NAV3: variants seen among roughly 807,000 people sequenced by gnomAD.
NAV3 encodes neuron navigator 3.
In NAV3, 87 loss-of-function variants were observed where a neutral mutation model predicts 244.7. The observed-to-expected ratio is 0.36, with a 90% CI of 0.30 to 0.42. The LOEUF (loss-of-function observed/expected upper bound fraction) is 0.42, where lower values mean the gene tolerates loss of function less well. Ranked by LOEUF, NAV3 falls within the 20% of genes least tolerant of loss-of-function variation. The probability of loss-of-function intolerance (pLI) is 1.00; values close to 1 mark genes in which losing one functional copy is unlikely to be tolerated. For synonymous variants in NAV3, 1,126 were observed against 1,042.2 expected, an observed-to-expected ratio of 1.08 and a Z score of -1.55; for missense variants, 2,663 against 2,893.3, an observed-to-expected ratio of 0.92 and a Z score of 1.83.
intron 2 of NAV3, among the ~76,000 whole-genome samples, chr12:77,658,314 A>G (rs1404431188): frequency 2.6e-5 from 4 of 151,344 alleles, no homozygotes; most frequent in African/African-American, 7.3e-5. Flanking sequence ...TACACCAATA[A>G]CAGACAAACA....
intron 2 of NAV3, among the ~76,000 whole-genome samples, chr12:77,589,175 G>C (rs994968980): frequency 6.6e-6 from 1 of 152,100 alleles, no homozygotes; most frequent in African/African-American, 2.4e-5. Context: ...GAAATAATAG[G>C]AAAAACACTT....
chr12:78,181,591 A>T (rs1328319646), intron 30 of NAV3, among the ~76,000 whole-genome samples: 1 of 152,106 alleles, frequency 6.6e-6, no homozygotes, highest in African/African-American at 2.4e-5. Context: ...ATCATATGAC[A>T]TAATGTCATC....
At chr12:77,709,852 C>T (rs1876020857) in intron 2 of NAV3, among the ~76,000 whole-genome samples, 1 of 152,148 alleles carries the variant, frequency 6.6e-6, no homozygotes, top group Non-Finnish European at 1.5e-5. Flanking sequence ...ATTTTCTCTT[C>T]CATATGTAGT....
intron 38 of NAV3, among the ~76,000 whole-genome samples, chr12:78,200,813 T>A (rs1036095922): frequency 2.0e-5 from 3 of 152,056 alleles, no homozygotes; most frequent in Non-Finnish European, 4.4e-5. Flanking sequence ...TTTCAACAAC[T>A]ATACATTTAA....
chr12:78,198,980 G>T (rs1034035810), intron 36 of NAV3: 2 of 442,800 alleles, frequency 4.5e-6, no homozygotes, highest in South Asian at 2.4e-5. Flanking sequence ...TGTTCACTAT[G>T]TCCCTGGTTA....
At chr12:77,805,898 G>T (rs1871953106) in intron 2 of NAV3, among the ~76,000 whole-genome samples, 2 of 151,288 alleles carry the variant, frequency 1.3e-5, no homozygotes, top group Admixed American at 1.3e-4. Flanking sequence ...GTCTTGGCAG[G>T]GTGTATGTGT....
rs141273521 is a variant in NAV3 at position 77,808,224 on chromosome 12, A to T, written c.73-132095A>T. On this transcript the variant is annotated intron_variant, in intron 2 of 8. Coordinates refer to the NAV3 transcript ENST00000550042. Reference sequence around the variant, plus strand: ...GTCCAGTTTTGTTCCCTTGCTGGTGAGGAGTTGTGATCCTTTGGAGGAGAA... The same window carrying T: ...GTCCAGTTTTGTTCCCTTGCTGGTGTGGAGTTGTGATCCTTTGGAGGAGAA... Among the ~76,000 whole-genome samples, 171 of 152,172 alleles carry T rather than the reference A, an allele frequency of 1.1e-3. 1 individual carries two copies. The highest frequency in any genetic ancestry group is 4.0e-3 in the African/African-American group (165 of 41,510).
intron 2 of NAV3, among the ~76,000 whole-genome samples, chr12:77,663,801 G>A (rs1003015490): frequency 3.3e-5 from 5 of 152,146 alleles, no homozygotes; most frequent in African/African-American, 4.8e-5. Flanking sequence ...GATTACAGGC[G>A]TGAGCCACCA....
chr12:77,888,957 C>T (rs1464526660), intron 1 of NAV3, among the ~76,000 whole-genome samples: 1 of 152,078 alleles, frequency 6.6e-6, no homozygotes, highest in African/African-American at 2.4e-5. Context: ...CAGATTTGGT[C>T]AATTGAGTGT....
intron 15 of NAV3, among the ~76,000 whole-genome samples, chr12:78,121,165 G>A (rs1955651219): frequency 6.6e-6 from 1 of 152,094 alleles, no homozygotes; most frequent in African/African-American, 2.4e-5. Context: ...TAATCATTAT[G>A]CCATTACTTC....
At chr12:77,601,858 A>G (rs965316676) in intron 2 of NAV3, among the ~76,000 whole-genome samples, 3 of 151,990 alleles carry the variant, frequency 2.0e-5, no homozygotes. Flanking sequence ...AATGGATTTG[A>G]GAGCTTTTTC....
intron 11 of NAV3, 141 bp downstream of exon 11, chr12:78,051,288 A>G: frequency 1.1e-6 from 1 of 882,290 alleles, no homozygotes; most frequent in Non-Finnish European, 1.7e-6. Flanking sequence ...AGAGTGTTGA[A>G]GGGCCCTTCC....
At chr12:78,095,086 CACAT>C (rs1438747475) in intron 12 of NAV3, among the ~76,000 whole-genome samples, 10 of 126,060 alleles carry the variant, frequency 7.9e-5, no homozygotes, top group African/African-American at 1.0e-4. Flanking sequence ...CACACACACA[CACAT>C]ATATATATAC....
chr12:77,675,258 T>C (rs1874155184), intron 2 of NAV3, among the ~76,000 whole-genome samples: 1 of 152,180 alleles, frequency 6.6e-6, no homozygotes, highest in South Asian at 2.1e-4. Flanking sequence ...AGGAGATATA[T>C]ATTAAGAGAT....
At chr12:78,050,628 T>C in intron 10 of NAV3, 136 bp from the exon 11 acceptor site, 2 of 904,388 alleles carry the variant, frequency 2.2e-6, no homozygotes, top group East Asian at 2.5e-5. Context: ...TCAAAATGAA[T>C]ATAGAGTTTA....
chr12:77,773,892 T>C (rs17044210), intron 2 of NAV3, among the ~76,000 whole-genome samples: 3,106 of 152,324 alleles, frequency 0.02, 108 homozygotes, highest in African/African-American at 0.067. Flanking sequence ...CTTGCATTCA[T>C]AGGCTACCCT....
rs1352886511 is a variant in NAV3 at position 78,006,761 on chromosome 12, GTGATGGTGGGAAGGA to G, written c.1229_1243del (p.Gly410_Asp414del). On this transcript the variant is annotated inframe_deletion, in exon 8 of 40. Transcript: ENST00000397909. ...CCGCAGCCTCCCAGTTCAGGACCTAGTGATGGTGGGAAGGATGATGATGCCTTTTCTGAATCTGGT... is the reference window on the plus strand; with the variant it reads ...CCGCAGCCTCCCAGTTCAGGACCTAGTGATGATGCCTTTTCTGAATCTGGT... 6.2e-6 allele frequency: 10 copies of G among 1,614,084 alleles called. No individual in the cohort carries two copies. The highest frequency in any genetic ancestry group is 8.5e-6 in the Non-Finnish European group (10 of 1,180,050).
rs184185823 is a variant in NAV3 at position 77,810,663 on chromosome 12, C to T, written c.73-129656C>T. On this transcript the variant is annotated intron_variant, in intron 2 of 8. Transcript: ENST00000550042. ...CTAGGATTAGGTATTAGGTAGTTTT[C>T]GAAAATGCTAATTAAAATAGAACTA... Among the ~76,000 whole-genome samples the T allele has an allele frequency of 3.3e-3, 495 of 152,106 alleles. 1 individual carries two copies. Among genetic ancestry groups the T allele is most frequent in the Non-Finnish European group, 5.4e-3 (366 of 67,976 alleles).
chr12:77,966,949 C>T (rs1468967318), intron 4 of NAV3, among the ~76,000 whole-genome samples: 2 of 151,964 alleles, frequency 1.3e-5, no homozygotes, highest in Non-Finnish European at 2.9e-5. Flanking sequence ...TTTGCAAAAG[C>T]TTGCTACACT....
Sources: allele counts gnomAD v4.1 joint callset (sites outside exome capture counted in the v4.1 genomes callset), GRCh38; gene constraint gnomAD v4.1.1; transcripts MANE v1.5; gene names NCBI Gene and HGNC (gene_info 2026-07-23, HGNC 2026-07-21).